Variants in NRF1 observed in about 807,000 individuals in gnomAD.
The protein encoded by NRF1 is nuclear respiratory factor 1.
Under a neutral mutation model 58.5 loss-of-function variants are expected in NRF1, and 5 were observed. The observed-to-expected ratio is 0.09, with a 90% confidence interval of 0.04 to 0.18. The LOEUF is 0.18. Ranked by LOEUF, NRF1 falls within the 10% of genes least tolerant of loss-of-function variation. The pLI, the probability that NRF1 is intolerant of heterozygous loss-of-function variation, is 1.00. For synonymous variants in NRF1, 224 were observed against 246.7 expected (o/e 0.91, Z 0.86); for missense variants, 288 against 657.7 (o/e 0.44, Z 6.15).
intron 10 of NRF1, among the ~76,000 whole-genome samples, chr7:129,738,771 T>C (rs1255222197): frequency 6.6e-6 from 1 of 152,224 alleles, no homozygotes; most frequent in Non-Finnish European, 1.5e-5. Flanking sequence ...CTGAGCCCTG[T>C]TCAGAAGCAG....
intron 10 of NRF1, among the ~76,000 whole-genome samples, chr7:129,729,457 C>T (rs1158451611): frequency 6.6e-6 from 1 of 152,220 alleles, no homozygotes; most frequent in East Asian, 1.9e-4. Flanking sequence ...AGCAGGCCAT[C>T]CTCAGTCTGT....
intron 10 of NRF1, among the ~76,000 whole-genome samples, chr7:129,753,316 G>A (rs542259297): frequency 1.3e-5 from 2 of 152,268 alleles, no homozygotes; most frequent in African/African-American, 4.8e-5. Flanking sequence ...CTGGATGTTG[G>A]GGTTGGTCTA....
At chr7:129,699,769 C>T (rs1362065710) in intron 5 of NRF1, among the ~76,000 whole-genome samples, 1 of 150,962 alleles carries the variant, frequency 6.6e-6, no homozygotes, top group Non-Finnish European at 1.5e-5. Context: ...TATAAGTTAC[C>T]AGGGACCATG....
intron 1 of NRF1, among the ~76,000 whole-genome samples, chr7:129,635,630 C>T (rs187163175): frequency 1.3e-5 from 2 of 152,116 alleles, no homozygotes; most frequent in Non-Finnish European, 2.9e-5. Context: ...ACTTTTGGAC[C>T]GCAGGGTTCA....
At chr7:129,660,937 C>T (rs1801767088) in intron 2 of NRF1, among the ~76,000 whole-genome samples, 1 of 151,248 alleles carries the variant, frequency 6.6e-6, no homozygotes, top group African/African-American at 2.5e-5. Flanking sequence ...AGGGTCCCGC[C>T]CCTGCAGCAA....
At chr7:129,619,490 GTATATATA>G (rs67190499) in intron 1 of NRF1, among the ~76,000 whole-genome samples, 1,196 of 48,608 alleles carry the variant, frequency 0.025, 38 homozygotes, top group South Asian at 0.044. Flanking sequence ...GTGTGTGTGT[GTATATATA>G]TATATATATA....
chr7:129,675,093 T>A (rs141661113), intron 3 of NRF1, among the ~76,000 whole-genome samples: 1 of 152,336 alleles, frequency 6.6e-6, no homozygotes, highest in Admixed American at 6.5e-5. Flanking sequence ...ACAATATACA[T>A]AACATCTTCA....
intron 1 of NRF1, among the ~76,000 whole-genome samples, chr7:129,619,421 TATATATATATATAC>T (rs1232967346): frequency 0.016 from 1,545 of 95,788 alleles, 141 homozygotes; most frequent in African/African-American, 0.083. Flanking sequence ...TATATATATA[TATATATATATATAC>T]ACACACACAC....
chr7:129,681,592 G>A (rs1289897732), intron 4 of NRF1, among the ~76,000 whole-genome samples: 1 of 151,980 alleles, frequency 6.6e-6, no homozygotes, highest in Non-Finnish European at 1.5e-5. Context: ...TATTTATTTA[G>A]AGACAAGGTC....
At position 129,671,559 on chromosome 7, in the gene NRF1, T is replaced by C. The variant is rs1327352875; in HGVS notation, c.338+16T>C. On this transcript the variant is annotated intron_variant, in intron 3 of 10. Coordinates refer to ENST00000393232, the MANE Select transcript of NRF1 (RefSeq NM_005011.5). ...GTTTGCTTCGGTGAGGGCTCCCTTA[T>C]CCATATTGTTACTATTCCTCAAATA... 9.1e-6 allele frequency: 12 copies of C among 1,322,108 alleles called. No individual in the cohort carries two copies. Among genetic ancestry groups the C allele is most frequent in the African/African-American group, 2.9e-5 (2 of 69,292 alleles). The allele number at this position is 1,322,108 out of a possible 1,614,324, so 81.9% of individuals were successfully genotyped here. A position where few individuals can be genotyped will look rare whatever the true frequency, so the allele number is the denominator to read the frequency against.
chr7:129,664,839 T>C (rs970812030), intron 2 of NRF1, among the ~76,000 whole-genome samples: 8 of 152,248 alleles, frequency 5.3e-5, no homozygotes, highest in Non-Finnish European at 1.2e-4. Flanking sequence ...ATGTAACCTA[T>C]GTAGATACTA....
intron 9 of NRF1, among the ~76,000 whole-genome samples, chr7:129,718,557 G>A (rs796138574): frequency 4.6e-5 from 7 of 152,102 alleles, no homozygotes; most frequent in South Asian, 2.1e-4. Flanking sequence ...CTCTTATTGC[G>A]GAGACTGATT....
intron 1 of NRF1, among the ~76,000 whole-genome samples, chr7:129,633,031 A>G (rs937332977): frequency 2.0e-5 from 3 of 152,182 alleles, no homozygotes; most frequent in African/African-American, 7.2e-5. Context: ...TCCCATTTTA[A>G]TTGATTCTTA....
At chr7:129,660,288 C>T (rs895071337) in intron 2 of NRF1, among the ~76,000 whole-genome samples, 2 of 144,866 alleles carry the variant, frequency 1.4e-5, no homozygotes, top group Admixed American at 6.7e-5. Context: ...TATTATTCCA[C>T]CCCTGGCCCC....
intron 4 of NRF1, among the ~76,000 whole-genome samples, chr7:129,686,064 T>G (rs113823061): frequency 2.9e-5 from 4 of 139,446 alleles, no homozygotes; most frequent in African/African-American, 1.1e-4. Context: ...ATCACACCAC[T>G]GCACTCCAGC....
At chr7:129,725,083 A>G (rs1462674998) in intron 9 of NRF1, among the ~76,000 whole-genome samples, 4 of 152,178 alleles carry the variant, frequency 2.6e-5, no homozygotes, top group Non-Finnish European at 5.9e-5. Flanking sequence ...TCATCGAGGC[A>G]GAAAGTAGAA....
intron 1 of NRF1, among the ~76,000 whole-genome samples, chr7:129,627,350 T>G (rs1190542705): frequency 6.6e-6 from 1 of 152,128 alleles, no homozygotes; most frequent in African/African-American, 2.4e-5. Flanking sequence ...TAGCTGGGAC[T>G]ACAGGTGCCT....
chr7:129,746,831 A>C (rs1803987545), intron 10 of NRF1, among the ~76,000 whole-genome samples: 1 of 152,078 alleles, frequency 6.6e-6, no homozygotes, highest in Non-Finnish European at 1.5e-5. Flanking sequence ...TGTCATGTTT[A>C]TTATTTGTTT....
chr7:129,673,671 C>A (rs1287984388), intron 3 of NRF1, among the ~76,000 whole-genome samples: 1 of 140,708 alleles, frequency 7.1e-6, no homozygotes, highest in African/African-American at 2.6e-5. Context: ...GAGCGGAGAT[C>A]GCGCCACAGC....
Sources: allele counts gnomAD v4.1 joint callset (sites outside exome capture counted in the v4.1 genomes callset), GRCh38; gene constraint gnomAD v4.1.1; transcripts MANE v1.5; gene names NCBI Gene and HGNC (gene_info 2026-07-23, HGNC 2026-07-21).